The following TRIM9 variants were observed in gnomAD, a reference collection of about 807,000 sequenced individuals.
The protein encoded by TRIM9 is tripartite motif containing 9, also known as E3 ubiquitin-protein ligase TRIM9.
Under a neutral mutation model 78.3 loss-of-function variants are expected in TRIM9, and 26 were observed. That is an observed-to-expected ratio of 0.33 (90% CI 0.24 to 0.46). The LOEUF (loss-of-function observed/expected upper bound fraction) is 0.46. TRIM9 is among the 20% of genes least tolerant of loss of function. TRIM9 has a pLI of 1.00. For missense variants in TRIM9, 787 were observed against 1,036.4 expected (o/e 0.76, Z 3.30); for synonymous variants, 398 against 416.5 (o/e 0.96, Z 0.54).
intron 1 of TRIM9, among the ~76,000 whole-genome samples, chr14:51,027,208 A>T (rs1230754384): frequency 7.9e-6 from 1 of 126,982 alleles, no homozygotes; most frequent in Non-Finnish European, 1.6e-5. Context: ...CAATGGTGTG[A>T]TCTTGGCTCA....
chr14:50,991,192 C>A lies in TRIM9; in HGVS notation c.1604-5048G>T, dbSNP rs138672577. Among the ~76,000 whole-genome samples, 943 of 152,250 alleles carry A rather than the reference C, an allele frequency of 6.2e-3. 5 individuals are homozygous for A. Among genetic ancestry groups the A allele is most frequent in the African/African-American group, 0.02 (823 of 41,538 alleles). On this transcript the variant is annotated intron_variant, in intron 7 of 12. Coordinates refer to ENST00000684578, the MANE Select transcript of TRIM9 (RefSeq NM_001387360.1). ...AGAGGAACTGAAAATTCCTGTATTTCAATTACATACAGAGGATTCCAAAGA... is the reference window on the plus strand; with the variant it reads ...AGAGGAACTGAAAATTCCTGTATTTAAATTACATACAGAGGATTCCAAAGA...
chr14:51,017,049 G>A (rs1431169144), intron 3 of TRIM9, among the ~76,000 whole-genome samples: 1 of 152,194 alleles, frequency 6.6e-6, no homozygotes, highest in Non-Finnish European at 1.5e-5. Flanking sequence ...AAGGGGAAGT[G>A]CTTTGGCTGT....
At chr14:51,071,363 T>G (rs1438991667) in intron 1 of TRIM9, among the ~76,000 whole-genome samples, 46 of 89,466 alleles carry the variant, frequency 5.1e-4, no homozygotes, top group South Asian at 1.3e-3. Context: ...GCAACAAGAG[T>G]GAAACTCCGT....
intron 3 of TRIM9, among the ~76,000 whole-genome samples, chr14:51,018,196 T>C (rs1409372838): frequency 6.6e-6 from 1 of 152,052 alleles, no homozygotes; most frequent in Non-Finnish European, 1.5e-5. Flanking sequence ...ATTAGTTGCT[T>C]TTTTTTTCTA....
intron 1 of TRIM9, among the ~76,000 whole-genome samples, chr14:51,057,986 T>A (rs1428030329): frequency 1.3e-5 from 2 of 152,238 alleles, no homozygotes; most frequent in East Asian, 1.9e-4. Flanking sequence ...AATTAAATTC[T>A]AACAAACCCG....
At chr14:50,993,907 C>T (rs1596120096) in intron 7 of TRIM9, among the ~76,000 whole-genome samples, 1 of 152,228 alleles carries the variant, frequency 6.6e-6, no homozygotes, top group East Asian at 1.9e-4. Flanking sequence ...AGAAAGATGA[C>T]AATAATAATA....
At chr14:51,086,277 T>C (rs944683610) in intron 1 of TRIM9, among the ~76,000 whole-genome samples, 1 of 152,084 alleles carries the variant, frequency 6.6e-6, no homozygotes, top group South Asian at 2.1e-4. Flanking sequence ...TTACAACGGG[T>C]GTGACTTCAT....
At chr14:51,037,499 C>A (rs1032551023) in intron 1 of TRIM9, among the ~76,000 whole-genome samples, 27 of 152,082 alleles carry the variant, frequency 1.8e-4, no homozygotes, top group Admixed American at 3.9e-4. Flanking sequence ...CAATGGTGAT[C>A]AGATCAGAAA....
intron 1 of TRIM9, among the ~76,000 whole-genome samples, chr14:51,056,900 A>C (rs2140126324): frequency 6.6e-6 from 1 of 152,340 alleles, no homozygotes; most frequent in East Asian, 1.9e-4. Context: ...ATCATGAGGC[A>C]GATATTTATT....
chr14:50,983,114 G>T, intron 9 of TRIM9, 149 bp from the exon 10 acceptor site: 1 of 795,776 alleles, frequency 1.3e-6, no homozygotes, highest in Non-Finnish European at 2.0e-6. Flanking sequence ...TCTCTGACTT[G>T]TACCTTTACC....
At chr14:51,011,029 T>C (rs1345177898) in intron 3 of TRIM9, among the ~76,000 whole-genome samples, 2 of 152,142 alleles carry the variant, frequency 1.3e-5, no homozygotes, top group Non-Finnish European at 2.9e-5. Flanking sequence ...CTTGCGTGGA[T>C]GGTGGGGGAC....
intron 1 of TRIM9, among the ~76,000 whole-genome samples, chr14:51,031,212 A>G (rs1279574774): frequency 6.6e-6 from 1 of 151,694 alleles, no homozygotes; most frequent in African/African-American, 2.4e-5. Context: ...ATCCTTGACC[A>G]AGTTATAGCC....
intron 1 of TRIM9, among the ~76,000 whole-genome samples, chr14:51,026,982 C>A (rs1182451794): frequency 1.3e-5 from 2 of 152,146 alleles, no homozygotes; most frequent in Admixed American, 6.5e-5. Flanking sequence ...ACCCTTTATA[C>A]ATTGTTTTAC....
Position 50,991,419 on chromosome 14 carries a change from T to C in TRIM9, c.1604-5275A>G, listed in dbSNP as rs147351076. On this transcript the variant is annotated intron_variant, in intron 7 of 12. Coordinates refer to ENST00000684578, the MANE Select transcript of TRIM9 (RefSeq NM_001387360.1). ...CTCTCACCTTGGATTTTGTAAAATT[T>C]ACCCAAATATGGTCAGGTATGATTA... Among the ~76,000 whole-genome samples the C allele has an allele frequency of 1.6e-3, 237 of 152,320 alleles. 1 individual carries two copies. The highest frequency in any genetic ancestry group is 5.1e-3 in the African/African-American group (211 of 41,570).
At chr14:51,056,993 A>G (rs1221386099) in intron 1 of TRIM9, among the ~76,000 whole-genome samples, 1 of 152,224 alleles carries the variant, frequency 6.6e-6, no homozygotes, top group Non-Finnish European at 1.5e-5. Flanking sequence ...ATCAGAAAAA[A>G]GAATGAATAA....
Position 51,047,133 on chromosome 14 carries a change from T to C in TRIM9, c.823-21773A>G, listed in dbSNP as rs77287443. Among the ~76,000 whole-genome samples, 802 of 152,276 alleles carry C rather than the reference T, an allele frequency of 5.3e-3. 9 individuals are homozygous for C. The highest frequency in any genetic ancestry group is 0.018 in the African/African-American group (766 of 41,550). On this transcript the variant is annotated intron_variant, in intron 1 of 12. Transcript: ENST00000684578. ...CCTCTGCTTGAGCTGGGGTTGACACTTGTGTTTACCATGAAGGTCCTATGT... is the reference window on the plus strand; with the variant it reads ...CCTCTGCTTGAGCTGGGGTTGACACCTGTGTTTACCATGAAGGTCCTATGT...
intron 2 of TRIM9, 54 bp downstream of exon 2, chr14:51,025,209 CCA>C: frequency 6.9e-7 from 1 of 1,455,612 alleles, no homozygotes; most frequent in South Asian, 1.2e-5. Flanking sequence ...AACTCTCCCG[CCA>C]CACAGTTACG....
At position 51,074,592 on chromosome 14, in the gene TRIM9, T is replaced by A. The variant is rs893216566; in HGVS notation, c.822+19526A>T. On this transcript the variant is annotated intron_variant, in intron 1 of 12. Transcript: ENST00000684578. ...ATTTTAGGAAGTAAATAGTCCAAAA[T>A]GGCCTTTTAATTACTCTTTGATCCT... Among the ~76,000 whole-genome samples the A allele has an allele frequency of 2.0e-5, 3 of 152,234 alleles. No individual in the cohort carries two copies. In the East Asian group the frequency reaches 5.8e-4, roughly 29 times the overall value.
intron 6 of TRIM9, 112 bp from the exon 7 acceptor site, chr14:50,998,300 G>T: frequency 2.9e-6 from 3 of 1,033,002 alleles, no homozygotes; most frequent in East Asian, 4.8e-5. Flanking sequence ...TTCTAATCTG[G>T]ATTTGAATCC....
Sources: gnomAD v4.1 joint callset for allele counts (sites outside exome capture counted in the v4.1 genomes callset) on GRCh38, gnomAD v4.1.1 for gene constraint, MANE v1.5 for transcripts, NCBI Gene and HGNC (gene_info 2026-07-23, HGNC 2026-07-21) for gene names.